CACNA1A: variants seen among roughly 807,000 people sequenced by gnomAD.
CACNA1A encodes the protein calcium voltage-gated channel subunit alpha1 A.
A neutral mutation model predicts 262.4 loss-of-function variants in CACNA1A; 57 were observed. The observed-to-expected ratio is 0.22, with a 90% confidence interval of 0.18 to 0.27. The LOEUF is 0.27. Among genes scored for constraint, CACNA1A ranks in the 10% least tolerant of loss-of-function variants. CACNA1A has a pLI of 1.00. For synonymous variants in CACNA1A, 1,431 were observed against 1,419.3 expected (o/e 1.01, Z -0.18); for missense variants, 2,526 against 3,562.8 (o/e 0.71, Z 7.41).
chr19:13,279,157 G>A (rs1407547138), intron 22 of CACNA1A, among the ~76,000 whole-genome samples: 1 of 152,162 alleles, frequency 6.6e-6, no homozygotes, highest in Admixed American at 6.6e-5. Context: ...GGAAAGGGCA[G>A]GCCGTGGGGG....
intron 3 of CACNA1A, among the ~76,000 whole-genome samples, chr19:13,421,171 C>T (rs1297056106): frequency 6.6e-6 from 1 of 152,174 alleles, no homozygotes; most frequent in Non-Finnish European, 1.5e-5. Flanking sequence ...GCCTGAATCC[C>T]TGAGTGACTT....
In CACNA1A at chr19:13,353,882, A is replaced by G. The variant is rs542459189; in HGVS notation, c.978+5724T>C. 9.2e-5 allele frequency among the ~76,000 whole-genome samples: 14 copies of G among 152,222 alleles called. No individual in the cohort carries two copies. The South Asian group carries it at 2.9e-3, about 32-fold the overall frequency. On this transcript the variant is annotated intron_variant, in intron 6 of 46. Transcript: ENST00000360228. ...CCTGATTGCCTGACCTAGACTAAGGAACCACCCATCACTTGTTCTCTTGTG... is the reference window on the plus strand; with the variant it reads ...CCTGATTGCCTGACCTAGACTAAGGGACCACCCATCACTTGTTCTCTTGTG...
At chr19:13,329,251 C>A (rs1041643180) in intron 10 of CACNA1A, among the ~76,000 whole-genome samples, 43 of 152,216 alleles carry the variant, frequency 2.8e-4, no homozygotes, top group African/African-American at 1.0e-3. Context: ...TCACACTGTT[C>A]CTTCTGCTAT....
intron 10 of CACNA1A, among the ~76,000 whole-genome samples, chr19:13,320,262 G>A (rs1024118311): frequency 5.3e-5 from 8 of 152,014 alleles, no homozygotes; most frequent in African/African-American, 1.9e-4. Context: ...GAGAGAGAGA[G>A]AGAGAGAGAG....
At chr19:13,467,615 T>C (rs556943660) in intron 1 of CACNA1A, among the ~76,000 whole-genome samples, 27 of 151,696 alleles carry the variant, frequency 1.8e-4, no homozygotes, top group Admixed American at 1.6e-3. Flanking sequence ...TTCTTTTTTT[T>C]TTTTTGTGAG....
chr19:13,389,425 G>A (rs1342504811), intron 3 of CACNA1A, among the ~76,000 whole-genome samples: 1 of 152,048 alleles, frequency 6.6e-6, no homozygotes, highest in Non-Finnish European at 1.5e-5. Flanking sequence ...TGGGATGGAT[G>A]CCTGGGGACA....
intron 1 of CACNA1A, among the ~76,000 whole-genome samples, chr19:13,501,320 C>A (rs1049506595): frequency 6.6e-6 from 1 of 151,580 alleles, no homozygotes; most frequent in Non-Finnish European, 1.5e-5. Context: ...GGATTATAGA[C>A]GCACAATACC....
chr19:13,361,973 G>A (rs1444311800), intron 5 of CACNA1A: 1 of 150,700 alleles, frequency 6.6e-6, no homozygotes, highest in African/African-American at 2.4e-5. Context: ...AGTTAACACA[G>A]CCCCAGTCCC....
At chr19:13,356,889 A>G (rs1433524711) in intron 6 of CACNA1A, among the ~76,000 whole-genome samples, 2 of 152,212 alleles carry the variant, frequency 1.3e-5, no homozygotes, top group Non-Finnish European at 2.9e-5. Context: ...GACGGCCAAG[A>G]GAGGGCCTGA....
At chr19:13,440,946 C>T (rs1250855611) in intron 3 of CACNA1A, among the ~76,000 whole-genome samples, 25 of 152,198 alleles carry the variant, frequency 1.6e-4, no homozygotes, top group Admixed American at 1.4e-3. Context: ...GCTGGAATTA[C>T]AGGCACACAC....
At chr19:13,277,242 C>T (rs1024535327) in intron 22 of CACNA1A, 114 bp from the exon 23 acceptor site, 4 of 705,596 alleles carry the variant, frequency 5.7e-6, no homozygotes, top group Non-Finnish European at 1.0e-5. Flanking sequence ...AGAGGAAACA[C>T]AGCTGCTATA....
chr19:13,335,854 A>G lies in CACNA1A; in HGVS notation c.1034T>C (p.Ile345Thr). ...GTTCAGCATAAAAAAGGAGCCGATG[A>G]TGATGAGGGGGATGAAGTACAACCA... ...WNWLYFIPLI[I>T]IGSFFMLNLV... is the part of the protein sequence containing the mutation. The change falls in exon 7 of 47, where the codon ATC (isoleucine) becomes ACC (threonine). Residue 345 changes from isoleucine to threonine, a missense_variant. This residue lies in a region of CACNA1A where 52 missense variants were observed against 124.0 expected (regional missense o/e 0.42). Coordinates refer to ENST00000360228, the MANE Select transcript of CACNA1A (RefSeq NM_001127222.2). 6.2e-7 allele frequency: 1 copy of G among 1,611,260 alleles called. No individual in the cohort carries two copies. The highest frequency in any genetic ancestry group is 8.5e-7 in the Non-Finnish European group (1 of 1,178,674).
chr19:13,209,077 C>T (rs2054700163), intron 45 of CACNA1A, 68 bp from the exon 46 acceptor site: 1 of 1,530,294 alleles, frequency 6.5e-7, no homozygotes, highest in Admixed American at 2.0e-5. Context: ...GATGCACACA[C>T]AGGAGGCCAC....
intron 3 of CACNA1A, among the ~76,000 whole-genome samples, chr19:13,433,535 G>A (rs1568640215): frequency 6.7e-6 from 1 of 148,620 alleles, no homozygotes; most frequent in Non-Finnish European, 1.5e-5. Context: ...TTTGCACCCA[G>A]AGCCTTGGAT....
In CACNA1A at chr19:13,303,720, T is replaced by C. The variant is rs570558036; in HGVS notation, c.2104+47A>G. Reference sequence around the variant, plus strand: ...CCTTGAGCCCCTGCAACCTCTCCTCTGCCAGAGGTCCAGGCCTGTCCCCTT... The same window carrying C: ...CCTTGAGCCCCTGCAACCTCTCCTCCGCCAGAGGTCCAGGCCTGTCCCCTT... On this transcript the variant is annotated intron_variant, in intron 16 of 46. Transcript: ENST00000360228. 3 of 1,557,958 alleles carry C rather than the reference T, an allele frequency of 1.9e-6. No homozygotes were observed. The African/African-American group carries it at 4.1e-5, about 21-fold the overall frequency.
intron 1 of CACNA1A, among the ~76,000 whole-genome samples, chr19:13,486,575 C>T (rs185921527): frequency 6.6e-5 from 10 of 151,918 alleles, no homozygotes; most frequent in Admixed American, 3.3e-4. Flanking sequence ...GTTGGCAAGA[C>T]GGCGAGGGTA....
chr19:13,473,316 T>C lies in CACNA1A; in HGVS notation c.294-18104A>G, dbSNP rs565272177. 9.3e-5 allele frequency among the ~76,000 whole-genome samples: 14 copies of C among 149,910 alleles called. No homozygotes were observed. The East Asian group carries it at 2.7e-3, about 29-fold the overall frequency. ...GACACTGACATGAAGGAGAAGGCCA[T>C]GTGAAGACAGAGGCAGAGACTGCAG... On this transcript the variant is annotated intron_variant, in intron 1 of 46. Coordinates refer to ENST00000360228, the MANE Select transcript of CACNA1A (RefSeq NM_001127222.2).
intron 1 of CACNA1A, among the ~76,000 whole-genome samples, chr19:13,478,491 A>T (rs747592939): frequency 3.3e-5 from 5 of 151,754 alleles, no homozygotes; most frequent in Non-Finnish European, 7.4e-5. Context: ...CCAATTTTTT[A>T]TTTTTTTGTA....
In CACNA1A at chr19:13,234,667, G is replaced by A. The variant is rs187847213; in HGVS notation, c.5249+254C>T. 16 of 484,234 alleles carry A rather than the reference G, an allele frequency of 3.3e-5. No individual in the cohort carries two copies. In the East Asian group the frequency reaches 5.5e-4, roughly 17 times the overall value. The allele number at this position is 484,234 out of a possible 1,614,324, so 30.0% of individuals were successfully genotyped here. A position where few individuals can be genotyped will look rare whatever the true frequency, so the allele number is the denominator to read the frequency against. On this transcript the variant is annotated intron_variant, in intron 34 of 46. Coordinates refer to ENST00000360228, the MANE Select transcript of CACNA1A (RefSeq NM_001127222.2). ...GAAAAGAAGGATAAGAGCACATCTG[G>A]CCACCCCCACACCAGAAAAGGAGGA... is the stretch of plus-strand genomic sequence containing the variant.
Sources: gnomAD v4.1 joint callset for allele counts (sites outside exome capture counted in the v4.1 genomes callset) on GRCh38, gnomAD v4.1.1 for gene constraint, gnomAD v4.1.1 regional missense constraint, MANE v1.5 for transcripts, NCBI Gene and HGNC (gene_info 2026-07-23, HGNC 2026-07-21) for gene names.